STXBP5: variants seen among roughly 807,000 people sequenced by gnomAD.
The protein encoded by STXBP5 is syntaxin binding protein 5.
STXBP5 carries 50 observed loss-of-function variants against 152.4 expected under a neutral mutation model. The ratio of observed to expected loss-of-function variants is 0.33; its 90% CI spans 0.26 to 0.42. The LOEUF (loss-of-function observed/expected upper bound fraction) is 0.42, where lower values mean the gene tolerates loss of function less well. STXBP5 is among the 10% of genes least tolerant of loss of function. STXBP5 has a pLI of 1.00. For synonymous variants in STXBP5, 492 were observed against 494.7 expected, an observed-to-expected ratio of 0.99 and a Z score of 0.07; for missense variants, 1,167 against 1,388.6, an observed-to-expected ratio of 0.84 and a Z score of 2.54.
chr6:147,268,941 TAGGTG>T lies in STXBP5; in HGVS notation c.714+1775_714+1779del, dbSNP rs1780022761. ...GTTCTTGGAACATGAAGAGGGAACC[TAGGTG>T]GAAGCTGAGAAGTCTCCCTGAGTTG... is the stretch of plus-strand genomic sequence containing the variant. On this transcript the variant is annotated intron_variant, in intron 7 of 27. Coordinates refer to ENST00000321680, the MANE Select transcript of STXBP5 (RefSeq NM_001127715.4). Among the ~76,000 whole-genome samples the T allele has an allele frequency of 3.9e-5, 6 of 152,128 alleles. 1 individual carries two copies. The South Asian group carries it at 1.2e-3, about 32-fold the overall frequency.
intron 26 of STXBP5, among the ~76,000 whole-genome samples, chr6:147,376,337 T>G (rs1380170981): frequency 6.6e-6 from 1 of 152,082 alleles, no homozygotes; most frequent in Non-Finnish European, 1.5e-5. Context: ...AGAACATAAC[T>G]TCCAGATGAA....
intron 4 of STXBP5, 77 bp from the exon 5 acceptor site, chr6:147,260,538 A>G (rs1291935222): frequency 1.2e-5 from 19 of 1,547,854 alleles, no homozygotes; most frequent in Non-Finnish European, 1.7e-5. Context: ...ATTATATATC[A>G]TAATCAACCC....
intron 4 of STXBP5, among the ~76,000 whole-genome samples, chr6:147,241,535 G>A (rs1171639190): frequency 1.3e-5 from 2 of 152,064 alleles, no homozygotes; most frequent in East Asian, 1.9e-4. Flanking sequence ...GTTGCATAAC[G>A]ATGTTACACT....
At chr6:147,344,988 G>A (rs1470014373) in intron 21 of STXBP5, among the ~76,000 whole-genome samples, 1 of 152,158 alleles carries the variant, frequency 6.6e-6, no homozygotes, top group Admixed American at 6.5e-5. Flanking sequence ...GTATAGTCAA[G>A]TGTTTACTAG....
At position 147,353,334 on chromosome 6, in the gene STXBP5, A is replaced by G; in HGVS notation, c.2266A>G (p.Arg756Gly). The change falls in exon 22 of 28, where the codon AGG (arginine) becomes GGG (glycine). Residue 756 changes from arginine (R) to glycine (G), a missense_variant. Around this residue, in one of 3 missense-constraint regions of STXBP5, gnomAD observed 833 missense variants for 986.3 expected, o/e 0.84. Coordinates refer to ENST00000321680, the MANE Select transcript of STXBP5 (RefSeq NM_001127715.4). ...MVANDIAKMS[R>G]KLSLPTDLKP... ...CTTTTATTTTTCAGCAAAGATGTCA[A>G]GGAAGTTAAGCTTACCTACTGACCT... 2 of 1,581,930 alleles carry G rather than the reference A, an allele frequency of 1.3e-6. No homozygotes were observed. The highest frequency in any genetic ancestry group is 1.7e-6 in the Non-Finnish European group (2 of 1,163,320).
intron 4 of STXBP5, among the ~76,000 whole-genome samples, chr6:147,239,682 T>G (rs561112388): frequency 5.8e-4 from 88 of 152,352 alleles, no homozygotes; most frequent in African/African-American, 2.0e-3. Context: ...TCTATATAAG[T>G]GCCATAATTT....
At chr6:147,216,004 G>A (rs1186273960) in intron 2 of STXBP5, among the ~76,000 whole-genome samples, 1 of 152,050 alleles carries the variant, frequency 6.6e-6, no homozygotes, top group East Asian at 1.9e-4. Context: ...GTGAATGTAA[G>A]CATTTTATTA....
intron 25 of STXBP5, among the ~76,000 whole-genome samples, chr6:147,367,974 A>G (rs1251608903): frequency 6.6e-6 from 1 of 152,130 alleles, no homozygotes; most frequent in Non-Finnish European, 1.5e-5. Context: ...AAAAAAATAG[A>G]TAACCGAAAT....
At chr6:147,321,823 T>C (rs1782951697) in intron 16 of STXBP5, among the ~76,000 whole-genome samples, 1 of 152,220 alleles carries the variant, frequency 6.6e-6, no homozygotes, top group Non-Finnish European at 1.5e-5. Flanking sequence ...ATTAAAATTA[T>C]ACCATAACCA....
At chr6:147,348,519 AGTT>A (rs1784443085) in intron 21 of STXBP5, among the ~76,000 whole-genome samples, 1 of 152,194 alleles carries the variant, frequency 6.6e-6, no homozygotes, top group African/African-American at 2.4e-5. Flanking sequence ...GAGGGGATAT[AGTT>A]GTGAGCAAAA....
chr6:147,239,084 G>A, intron 3 of STXBP5, 86 bp from the exon 4 acceptor site: 1 of 1,203,510 alleles, frequency 8.3e-7, no homozygotes, highest in South Asian at 1.7e-5. Context: ...TGAAATTTGG[G>A]AAGGAGATAT....
chr6:147,263,245 G>T (rs1779724735), intron 6 of STXBP5, among the ~76,000 whole-genome samples: 1 of 151,802 alleles, frequency 6.6e-6, no homozygotes, highest in Non-Finnish European at 1.5e-5. Context: ...TCAATGGGAG[G>T]CATGGTAGGA....
intron 4 of STXBP5, among the ~76,000 whole-genome samples, chr6:147,243,111 G>T (rs1255708201): frequency 6.6e-6 from 1 of 152,130 alleles, no homozygotes; most frequent in Non-Finnish European, 1.5e-5. Context: ...ATACCTGGGA[G>T]TGCTATTGCT....
Position 147,239,249 on chromosome 6 carries a change from C to T in STXBP5, c.410C>T (p.Ser137Leu), listed in dbSNP as rs769544480. ...LRQKRPAILH[S>L]LKFCRERVTF... ...CAGAAGAGGCCTGCCATACTACATT[C>T]GCTTAAATTTTGCAGAGAAAGGTAA... The change falls in exon 4 of 28, where the codon TCG becomes TTG. Residue 137 changes from serine to leucine, a missense_variant. Around this residue, in one of 3 missense-constraint regions of STXBP5, gnomAD observed 310 missense variants for 346.1 expected, o/e 0.90. Coordinates refer to ENST00000321680, the MANE Select transcript of STXBP5 (RefSeq NM_001127715.4). 32 of 1,613,474 alleles carry T rather than the reference C, an allele frequency of 2.0e-5. No individual in the cohort carries two copies. The highest frequency in any genetic ancestry group is 2.2e-5 in the Non-Finnish European group (26 of 1,179,734).
At chr6:147,209,958 G>C (rs1776763267) in intron 2 of STXBP5, among the ~76,000 whole-genome samples, 1 of 152,202 alleles carries the variant, frequency 6.6e-6, no homozygotes, top group African/African-American at 2.4e-5. Flanking sequence ...ATTTTAACCT[G>C]AGGTATCTGC....
At chr6:147,360,489 T>A (rs1785014638) in intron 23 of STXBP5, among the ~76,000 whole-genome samples, 1 of 152,204 alleles carries the variant, frequency 6.6e-6, no homozygotes, top group Admixed American at 6.5e-5. Flanking sequence ...CATTTTTTTT[T>A]AAACTTTGGG....
intron 2 of STXBP5, among the ~76,000 whole-genome samples, chr6:147,234,614 T>G (rs1354116490): frequency 6.6e-6 from 1 of 151,950 alleles, no homozygotes; most frequent in Non-Finnish European, 1.5e-5. Flanking sequence ...ATGCCTAATG[T>G]GGAAAATGTT....
intron 21 of STXBP5, among the ~76,000 whole-genome samples, chr6:147,339,771 G>C (rs932038295): frequency 6.6e-6 from 1 of 151,670 alleles, no homozygotes; most frequent in Non-Finnish European, 1.5e-5. Context: ...TCAAGGCCCC[G>C]TATTTCAAGG....
chr6:147,271,161 C>T (rs1780145852), intron 7 of STXBP5, among the ~76,000 whole-genome samples: 1 of 152,010 alleles, frequency 6.6e-6, no homozygotes, highest in Non-Finnish European at 1.5e-5. Flanking sequence ...CCTTAAAAGA[C>T]AGCAATTATC....
Sources: gnomAD v4.1 joint callset for allele counts (sites outside exome capture counted in the v4.1 genomes callset) on GRCh38, gnomAD v4.1.1 for gene constraint, gnomAD v4.1.1 regional missense constraint, MANE v1.5 for transcripts, NCBI Gene and HGNC (gene_info 2026-07-23, HGNC 2026-07-21) for gene names.